Variants in RAI14 observed in about 807,000 individuals in gnomAD.
RAI14 encodes the protein retinoic acid induced 14.
Under a neutral mutation model 115.4 loss-of-function variants are expected in RAI14, and 45 were observed. That is an observed-to-expected ratio of 0.39 (90% confidence interval 0.31 to 0.50). The LOEUF (loss-of-function observed/expected upper bound fraction) is 0.50, where lower values mean the gene tolerates loss of function less well. Ranked by LOEUF, RAI14 falls within the 20% of genes least tolerant of loss-of-function variation. The pLI is 0.85. For missense variants in RAI14, 939 were observed against 1,131.2 expected (o/e 0.83, Z 2.44); for synonymous variants, 371 against 415.4 (o/e 0.89, Z 1.30).
chr5:34,682,600 A>G (rs1744469669), intron 1 of RAI14, among the ~76,000 whole-genome samples: 1 of 152,200 alleles, frequency 6.6e-6, no homozygotes, highest in Non-Finnish European at 1.5e-5. Flanking sequence ...TCATTTATCA[A>G]CGTAACATCC....
intron 3 of RAI14, among the ~76,000 whole-genome samples, chr5:34,794,551 A>G (rs1325584615): frequency 6.6e-6 from 1 of 152,266 alleles, no homozygotes; most frequent in East Asian, 1.9e-4. Context: ...AGATTGCTGC[A>G]CAAATACAGA....
chr5:34,730,401 G>A (rs1744023832), intron 2 of RAI14, among the ~76,000 whole-genome samples: 1 of 152,188 alleles, frequency 6.6e-6, no homozygotes. Flanking sequence ...GGCCAGGCAT[G>A]GATGGTGGCT....
At chr5:34,805,048 AT>A (rs1163040997) in intron 5 of RAI14, among the ~76,000 whole-genome samples, 1 of 152,136 alleles carries the variant, frequency 6.6e-6, no homozygotes, top group Non-Finnish European at 1.5e-5. Flanking sequence ...ATGCAAATGG[AT>A]TGGTTTTTCT....
At chr5:34,690,119 G>T (rs1288622617) in intron 2 of RAI14, among the ~76,000 whole-genome samples, 3 of 152,114 alleles carry the variant, frequency 2.0e-5, no homozygotes, top group Non-Finnish European at 4.4e-5. Flanking sequence ...CTTTGATTTT[G>T]AAGTTTTTGA....
chr5:34,758,611 G>A (rs1366290759), intron 3 of RAI14, among the ~76,000 whole-genome samples: 1 of 152,168 alleles, frequency 6.6e-6, no homozygotes, highest in East Asian at 1.9e-4. Context: ...GTTTGGCTAT[G>A]TTACCGAGGC....
At chr5:34,701,131 G>A (rs1740009267) in intron 2 of RAI14, among the ~76,000 whole-genome samples, 1 of 152,124 alleles carries the variant, frequency 6.6e-6, no homozygotes, top group South Asian at 2.1e-4. Context: ...TATGTAGGGG[G>A]TCTGGGGAGT....
chr5:34,732,627 T>C (rs1262058048), intron 2 of RAI14, among the ~76,000 whole-genome samples: 3 of 151,464 alleles, frequency 2.0e-5, no homozygotes, highest in Non-Finnish European at 2.9e-5. Flanking sequence ...TTAGTAGAGA[T>C]GGGGTTTTGC....
At chr5:34,674,335 T>C (rs1032504261) in intron 1 of RAI14, among the ~76,000 whole-genome samples, 4 of 152,180 alleles carry the variant, frequency 2.6e-5, no homozygotes, top group African/African-American at 9.7e-5. Context: ...GTGACACCAC[T>C]GCGATCATTG....
chr5:34,721,652 A>G (rs1742769082), intron 2 of RAI14, among the ~76,000 whole-genome samples: 2 of 152,058 alleles, frequency 1.3e-5, no homozygotes, highest in African/African-American at 2.4e-5. Context: ...TTTTATTTTA[A>G]ATGATTTCTT....
intron 10 of RAI14, among the ~76,000 whole-genome samples, chr5:34,813,028 T>C (rs1176409103): frequency 2.0e-5 from 3 of 152,242 alleles, no homozygotes; most frequent in Admixed American, 6.5e-5. Flanking sequence ...TGTCACTATC[T>C]GTTTTTTTGA....
intron 3 of RAI14, among the ~76,000 whole-genome samples, chr5:34,765,768 T>TG (rs1554054334): frequency 2.0e-5 from 3 of 152,088 alleles, no homozygotes; most frequent in Non-Finnish European, 4.4e-5. Flanking sequence ...CCCAAGACCA[T>TG]GGGGAAAATG....
chr5:34,826,363 A>C lies in RAI14; in HGVS notation c.2683A>C (p.Lys895Gln), dbSNP rs758410392. The C allele has an allele frequency of 6.2e-7, 1 of 1,613,988 alleles. No individual in the cohort carries two copies. Residue 895 changes from lysine (K) to glutamine (Q), a missense_variant, in exon 16 of 18, where the codon AAG becomes CAG. Transcript: ENST00000265109. ...GATGTCGAAGGAAGTCACCAAATTG[A>C]AGGAGGCCTTGAACAGCCTCTCCCA... is the stretch of plus-strand genomic sequence containing the variant. ...NEMSKEVTKL[K>Q]EALNSLSQLS...
chr5:34,679,131 G>A (rs947556515), intron 1 of RAI14, among the ~76,000 whole-genome samples: 4 of 152,178 alleles, frequency 2.6e-5, no homozygotes, highest in African/African-American at 9.7e-5. Flanking sequence ...TTGAGTAGGT[G>A]TGGTAGGAAT....
chr5:34,657,192 G>C (rs368694482), intron 1 of RAI14: 1 of 149,534 alleles, frequency 6.7e-6, no homozygotes, highest in Admixed American at 6.7e-5. Context: ...AGGAGGACGT[G>C]GAGCCACCAG....
chr5:34,778,236 G>A (rs1334608961), intron 3 of RAI14, among the ~76,000 whole-genome samples: 1 of 152,200 alleles, frequency 6.6e-6, no homozygotes, highest in Non-Finnish European at 1.5e-5. Context: ...ACTTGGATGT[G>A]TACATGGAAC....
intron 7 of RAI14, among the ~76,000 whole-genome samples, chr5:34,809,970 C>T (rs1033921738): frequency 2.6e-5 from 4 of 152,070 alleles, no homozygotes; most frequent in African/African-American, 7.2e-5. Flanking sequence ...GACATGCATA[C>T]ACTTATATTT....
rs539095912 is a variant in RAI14, at chr5:34,794,673, G to A, written c.168-1266G>A. ...CAGCCTTTACAATGGAGGAAATTTAGGCACAGAGAGGTTAAAATGACTTCC... is the reference window on the plus strand; with the variant it reads ...CAGCCTTTACAATGGAGGAAATTTAAGCACAGAGAGGTTAAAATGACTTCC... On this transcript the variant is annotated intron_variant, in intron 3 of 17. Transcript: ENST00000265109. 9.9e-5 allele frequency among the ~76,000 whole-genome samples: 15 copies of A among 152,224 alleles called. No individual in the cohort carries two copies. In the South Asian group the frequency reaches 3.1e-3, roughly 32 times the overall value.
chr5:34,706,795 C>G (rs1740744783), intron 2 of RAI14, among the ~76,000 whole-genome samples: 1 of 152,138 alleles, frequency 6.6e-6, no homozygotes, highest in South Asian at 2.1e-4. Context: ...TTGTATATGC[C>G]TCATGTGACT....
chr5:34,812,287 G>A, intron 10 of RAI14, 79 bp downstream of exon 10: 1 of 1,232,244 alleles, frequency 8.1e-7, no homozygotes, highest in Non-Finnish European at 1.2e-6. Context: ...AACCACTCTG[G>A]TCCACTAGTA....
Sources: allele counts gnomAD v4.1 joint callset (sites outside exome capture counted in the v4.1 genomes callset), GRCh38; gene constraint gnomAD v4.1.1; transcripts MANE v1.5; gene names NCBI Gene and HGNC (gene_info 2026-07-23, HGNC 2026-07-21).